GRIK1: variants seen among roughly 807,000 people sequenced by gnomAD.
GRIK1 encodes the protein glutamate ionotropic receptor kainate type subunit 1, also known as glutamate receptor ionotropic, kainate 1.
In GRIK1, 69 loss-of-function variants were observed where a neutral mutation model predicts 105.7. The ratio of observed to expected loss-of-function variants is 0.65; its 90% CI spans 0.54 to 0.80. The LOEUF is 0.80. Ranked by LOEUF, GRIK1 falls within the 30% of genes least tolerant of loss-of-function variation. The pLI, the probability that GRIK1 is intolerant of heterozygous loss-of-function variation, is 0.00. For missense variants in GRIK1, 1,109 were observed against 1,167.3 expected (o/e 0.95, Z 0.73); for synonymous variants, 438 against 431.3 (o/e 1.02, Z -0.19).
At chr21:29,574,093 T>C (rs928580651) in intron 14 of GRIK1, among the ~76,000 whole-genome samples, 1 of 72,884 alleles carries the variant, frequency 1.4e-5, no homozygotes, top group African/African-American at 5.8e-5. Context: ...ATAAGGTATA[T>C]ATGATGAATA....
At chr21:29,777,075 A>G (rs1195205502) in intron 1 of GRIK1, among the ~76,000 whole-genome samples, 4 of 152,210 alleles carry the variant, frequency 2.6e-5, no homozygotes, top group African/African-American at 9.7e-5. Flanking sequence ...GAAACTTAAA[A>G]ACATAAGTAA....
chr21:29,807,312 G>T (rs1004046839), intron 1 of GRIK1, among the ~76,000 whole-genome samples: 3 of 152,106 alleles, frequency 2.0e-5, no homozygotes, highest in African/African-American at 7.2e-5. Context: ...ACATGTAACT[G>T]CAGGTACACA....
intron 1 of GRIK1, among the ~76,000 whole-genome samples, chr21:29,729,031 A>G (rs1263158590): frequency 6.6e-6 from 1 of 152,176 alleles, no homozygotes; most frequent in African/African-American, 2.4e-5. Flanking sequence ...CTGGATTTTG[A>G]TTAGTTGGAA....
chr21:29,760,121 CG>C (rs2065467876), intron 1 of GRIK1: 1 of 152,132 alleles, frequency 6.6e-6, no homozygotes, highest in African/African-American at 2.4e-5. Flanking sequence ...GATTTGAATC[CG>C]GTTTTTCTGA....
At chr21:29,563,626 T>C (rs2090539209) in intron 14 of GRIK1, among the ~76,000 whole-genome samples, 1 of 152,336 alleles carries the variant, frequency 6.6e-6, no homozygotes, top group South Asian at 2.1e-4. Context: ...GCTAAACTTA[T>C]AGTAAAAGAG....
chr21:29,795,027 AATTTT>A (rs1412938361), intron 1 of GRIK1, among the ~76,000 whole-genome samples: 56 of 82,150 alleles, frequency 6.8e-4, no homozygotes, highest in Middle Eastern at 9.6e-3. Flanking sequence ...CTTTGCTCTA[AATTTT>A]TTTTTTTTTT....
At chr21:29,713,566 A>G (rs1010073731) in intron 1 of GRIK1, among the ~76,000 whole-genome samples, 1 of 152,214 alleles carries the variant, frequency 6.6e-6, no homozygotes, top group East Asian at 1.9e-4. Flanking sequence ...AACGGACCAT[A>G]AATACATTAA....
chr21:29,599,707 C>T (rs941177694), intron 7 of GRIK1, among the ~76,000 whole-genome samples: 5 of 152,138 alleles, frequency 3.3e-5, no homozygotes, highest in African/African-American at 1.2e-4. Flanking sequence ...TGCATAAAAG[C>T]TCCCTCTGCA....
chr21:29,753,345 C>T (rs1011679818), intron 1 of GRIK1, among the ~76,000 whole-genome samples: 2 of 152,166 alleles, frequency 1.3e-5, no homozygotes, highest in Non-Finnish European at 2.9e-5. Flanking sequence ...TTCTTTTTCT[C>T]TCTGGGAAAA....
intron 1 of GRIK1, among the ~76,000 whole-genome samples, chr21:29,917,525 T>C (rs1268144934): frequency 6.6e-6 from 1 of 152,088 alleles, no homozygotes; most frequent in Non-Finnish European, 1.5e-5. Context: ...TGATTTGCTG[T>C]AAGCCTACTA....
At chr21:29,890,675 T>C (rs2069861648) in intron 1 of GRIK1, among the ~76,000 whole-genome samples, 1 of 152,156 alleles carries the variant, frequency 6.6e-6, no homozygotes, top group Admixed American at 6.6e-5. Flanking sequence ...TAACAGGAAG[T>C]GCCAATCTGG....
intron 7 of GRIK1, among the ~76,000 whole-genome samples, chr21:29,633,935 T>C (rs61273794): frequency 0.042 from 6,450 of 152,254 alleles, 449 homozygotes; most frequent in African/African-American, 0.15. Flanking sequence ...GTCATCTAAT[T>C]AAACTAAGAA....
intron 1 of GRIK1, among the ~76,000 whole-genome samples, chr21:29,773,278 G>T (rs116226903): frequency 6.6e-6 from 1 of 152,180 alleles, no homozygotes; most frequent in Non-Finnish European, 1.5e-5. Context: ...GACACAGAGG[G>T]CTGTATTTTC....
rs151007802 is a variant in GRIK1, at chr21:29,887,931, G to C, written c.118+51452C>G. On this transcript the variant is annotated intron_variant, in intron 1 of 17. Coordinates refer to ENST00000327783, the MANE Select transcript of GRIK1 (RefSeq NM_001330994.2). ...TAATGCTTTCCCAAACAAAATCAGG[G>C]TTCTGTCTTTCTGTCTGCAGGAAAA... 1.6e-4 allele frequency among the ~76,000 whole-genome samples: 24 copies of C among 151,992 alleles called. No homozygotes were observed. The East Asian group carries it at 3.5e-3, about 22-fold the overall frequency.
At chr21:29,883,026 T>C (rs781582071) in intron 1 of GRIK1, among the ~76,000 whole-genome samples, 2 of 152,082 alleles carry the variant, frequency 1.3e-5, no homozygotes, top group Non-Finnish European at 2.9e-5. Flanking sequence ...CCTTCAGGCT[T>C]TAACATAGTT....
chr21:29,761,753 C>CT (rs57193884), intron 1 of GRIK1, among the ~76,000 whole-genome samples: 71,321 of 138,338 alleles, frequency 0.52, 18,752 homozygotes, highest in South Asian at 0.66. Context: ...TTCTTTCGTT[C>CT]TTTTTTTTTT....
chr21:29,569,671 C>T (rs567442581), intron 14 of GRIK1, among the ~76,000 whole-genome samples: 5 of 152,124 alleles, frequency 3.3e-5, no homozygotes, highest in Admixed American at 6.6e-5. Context: ...AGGCTGCATA[C>T]GGTTCTTAGA....
chr21:29,734,931 T>G lies in GRIK1; in HGVS notation c.119-40868A>C, dbSNP rs1422243611. On this transcript the variant is annotated intron_variant, in intron 1 of 17. Transcript: ENST00000327783. ...TTTCTTGGCCTGGCATGCAGGGACC[T>G]CCAACTTGCACACTCCTTAAATTGC... 2.6e-5 allele frequency among the ~76,000 whole-genome samples: 4 copies of G among 152,136 alleles called. No homozygotes were observed. In the East Asian group the frequency reaches 7.7e-4, roughly 29 times the overall value.
chr21:29,552,930 AGGTTTCAAGTTTAGTTTTCTTTCTGTGG>A (rs953672649), intron 16 of GRIK1, among the ~76,000 whole-genome samples: 26 of 152,094 alleles, frequency 1.7e-4, no homozygotes, highest in Non-Finnish European at 2.9e-4. Context: ...GTGACACCAG[AGGTTTCAAGTTTAGTTTTCTTTCTGTGG>A]ATCACGGTTT....
Sources: gnomAD v4.1 joint callset for allele counts (sites outside exome capture counted in the v4.1 genomes callset) on GRCh38, gnomAD v4.1.1 for gene constraint, MANE v1.5 for transcripts, NCBI Gene and HGNC (gene_info 2026-07-23, HGNC 2026-07-21) for gene names.